BAALC: variants seen among roughly 807,000 people sequenced by gnomAD.
The protein encoded by BAALC is BAALC binder of MAP3K1 and KLF4.
Under a neutral mutation model 15.5 loss-of-function variants are expected in BAALC, and 9 were observed. The observed-to-expected ratio is 0.58, with a 90% CI of 0.35 to 1.02. The LOEUF (loss-of-function observed/expected upper bound fraction) is 1.02. BAALC is among the 50% of genes least tolerant of loss of function. The pLI is 0.02. For missense variants in BAALC, 201 were observed against 192.4 expected (o/e 1.04, Z -0.27); for synonymous variants, 80 against 74.6 (o/e 1.07, Z -0.37).
chr8:103,201,018 AG>A (rs756532391), intron 1 of BAALC, among the ~76,000 whole-genome samples: 2 of 152,168 alleles, frequency 1.3e-5, no homozygotes, highest in Non-Finnish European at 2.9e-5. Context: ...AAGGCCATCA[AG>A]CATCCTATCG....
At chr8:103,149,689 T>C (rs1810944139) in intron 1 of BAALC, among the ~76,000 whole-genome samples, 1 of 152,156 alleles carries the variant, frequency 6.6e-6, no homozygotes, top group Non-Finnish European at 1.5e-5. Context: ...GGAAACTATA[T>C]GGAGGTAGTG....
intron 1 of BAALC, among the ~76,000 whole-genome samples, chr8:103,171,614 G>A (rs1015861599): frequency 6.6e-6 from 1 of 152,050 alleles, no homozygotes; most frequent in African/African-American, 2.4e-5. Context: ...AGTTGCCCTG[G>A]GGCTATAGCT....
At chr8:103,141,477 A>C in intron 1 of BAALC, 2 of 170,074 alleles carry the variant, frequency 1.2e-5, no homozygotes, top group Non-Finnish European at 2.5e-5. Flanking sequence ...GTGACTTCTC[A>C]TCCATTGGCC....
At chr8:103,183,556 G>C in intron 1 of BAALC, 1 of 666,616 alleles carries the variant, frequency 1.5e-6, no homozygotes, top group Non-Finnish European at 2.8e-6. Context: ...GCTTGGGAGA[G>C]CCTCTCAGGC....
intron 2 of BAALC, among the ~76,000 whole-genome samples, chr8:103,224,025 C>T (rs946657574): frequency 1.8e-4 from 28 of 152,288 alleles, no homozygotes; most frequent in Admixed American, 1.5e-3. Context: ...ATAATTACCA[C>T]GGTTTTCTTT....
Position 103,181,561 on chromosome 8 carries a change from C to T in BAALC, c.161-31358C>T, listed in dbSNP as rs531129306. On this transcript the variant is annotated intron_variant, in intron 1 of 2. Coordinates refer to ENST00000309982, the MANE Select transcript of BAALC (RefSeq NM_024812.3). ...TGCTGGGATTACAGGTGTGAGCCACCTCGCCCGGCCAGGAATATCTTTAGG... is the reference window on the plus strand; with the variant it reads ...TGCTGGGATTACAGGTGTGAGCCACTTCGCCCGGCCAGGAATATCTTTAGG... 1.2e-4 allele frequency among the ~76,000 whole-genome samples: 19 copies of T among 152,234 alleles called. No homozygotes were observed. In the East Asian group the frequency reaches 3.5e-3, roughly 28 times the overall value.
At chr8:103,199,231 C>T (rs1399889387) in intron 1 of BAALC, among the ~76,000 whole-genome samples, 3 of 151,806 alleles carry the variant, frequency 2.0e-5, no homozygotes, top group South Asian at 2.1e-4. Context: ...TGCCAATTGC[C>T]CTCCAAAATG....
intron 1 of BAALC, among the ~76,000 whole-genome samples, chr8:103,179,337 G>A (rs1351100537): frequency 6.6e-6 from 1 of 152,196 alleles, no homozygotes; most frequent in Non-Finnish European, 1.5e-5. Flanking sequence ...CTGGGTAGGA[G>A]CCCCAGAACA....
At chr8:103,188,374 T>G (rs1305718935) in intron 1 of BAALC, among the ~76,000 whole-genome samples, 1 of 152,138 alleles carries the variant, frequency 6.6e-6, no homozygotes, top group Non-Finnish European at 1.5e-5. Flanking sequence ...TTGCCCTTGG[T>G]CACGGACTCT....
intron 1 of BAALC, among the ~76,000 whole-genome samples, chr8:103,196,469 A>T (rs1812101418): frequency 6.6e-6 from 1 of 151,916 alleles, no homozygotes; most frequent in Non-Finnish European, 1.5e-5. Flanking sequence ...TTTGTAGAAA[A>T]GGGTTTTTGC....
intron 2 of BAALC, among the ~76,000 whole-genome samples, chr8:103,219,933 C>T (rs554155521): frequency 6.6e-6 from 1 of 152,264 alleles, no homozygotes; most frequent in South Asian, 2.1e-4. Flanking sequence ...GTGCCTACAA[C>T]GTGCCAGACA....
intron 1 of BAALC, among the ~76,000 whole-genome samples, chr8:103,170,061 T>G (rs1441123130): frequency 1.3e-5 from 2 of 152,170 alleles, no homozygotes; most frequent in African/African-American, 2.4e-5. Flanking sequence ...CACTTGCTTA[T>G]CTCCTTCCCA....
At chr8:103,154,032 T>C (rs1415586300) in intron 1 of BAALC, among the ~76,000 whole-genome samples, 1 of 152,170 alleles carries the variant, frequency 6.6e-6, no homozygotes, top group East Asian at 1.9e-4. Context: ...ATTAAACGAT[T>C]ACCTCCAAGA....
At chr8:103,162,108 G>C (rs1423391863) in intron 1 of BAALC, among the ~76,000 whole-genome samples, 1 of 152,080 alleles carries the variant, frequency 6.6e-6, no homozygotes, top group African/African-American at 2.4e-5. Flanking sequence ...CCACAGGTGA[G>C]CCACCATGCC....
At chr8:103,218,354 C>A (rs868373695) in intron 2 of BAALC, among the ~76,000 whole-genome samples, 1 of 148,946 alleles carries the variant, frequency 6.7e-6, no homozygotes, top group African/African-American at 2.4e-5. Flanking sequence ...TCATTTGGGG[C>A]CTTACTGACT....
intron 2 of BAALC, among the ~76,000 whole-genome samples, chr8:103,220,842 C>T (rs1029925083): frequency 1.3e-5 from 2 of 152,244 alleles, no homozygotes; most frequent in Non-Finnish European, 2.9e-5. Context: ...ATTAAAAATA[C>T]TACTTATACA....
chr8:103,145,777 G>C (rs1408559507), intron 1 of BAALC, among the ~76,000 whole-genome samples: 1 of 152,160 alleles, frequency 6.6e-6, no homozygotes, highest in Non-Finnish European at 1.5e-5. Context: ...CTAGAACGTA[G>C]GTGGCGCTCA....
chr8:103,146,937 C>A (rs1378346454), intron 1 of BAALC, among the ~76,000 whole-genome samples: 2 of 137,816 alleles, frequency 1.5e-5, no homozygotes, highest in African/African-American at 5.6e-5. Context: ...AGTGATGGTA[C>A]CTGTCACACT....
At chr8:103,145,058 C>G (rs1193216453) in intron 1 of BAALC, among the ~76,000 whole-genome samples, 1 of 152,246 alleles carries the variant, frequency 6.6e-6, no homozygotes, top group African/African-American at 2.4e-5. Flanking sequence ...CTCCTAAATA[C>G]TGCCTTCCTG....
Sources: allele counts gnomAD v4.1 joint callset (sites outside exome capture counted in the v4.1 genomes callset), GRCh38; gene constraint gnomAD v4.1.1; transcripts MANE v1.5; gene names NCBI Gene and HGNC (gene_info 2026-07-23, HGNC 2026-07-21).